The following DMD variants were observed in gnomAD, a reference collection of about 807,000 sequenced individuals.
DMD encodes the protein dystrophin.
Under a neutral mutation model 330.1 loss-of-function variants are expected in DMD, and 63 were observed. That is an observed-to-expected ratio of 0.19 (90% CI 0.16 to 0.24). DMD has a LOEUF of 0.24. DMD is among the 10% of genes least tolerant of loss of function. The pLI is 1.00. For synonymous variants in DMD, 1,223 were observed against 959.8 expected (o/e 1.27, Z -5.07); for missense variants, 3,344 against 2,684.1 (o/e 1.25, Z -5.43).
chrX:31,651,116 G>T (rs1603439881), intron 54 of DMD, among the ~76,000 whole-genome samples: 1 of 112,062 alleles, frequency 8.9e-6, no homozygotes, highest in African/African-American at 3.2e-5. Flanking sequence ...TCAAGAGAAA[G>T]GTAGAAGGTA....
chrX:32,783,135 GTA>G (rs200400820), intron 7 of DMD, among the ~76,000 whole-genome samples: 161 of 95,385 alleles, frequency 1.7e-3, no homozygotes, highest in East Asian at 5.4e-3. Flanking sequence ...ATACATATAT[GTA>G]TATATATATA....
intron 60 of DMD, among the ~76,000 whole-genome samples, chrX:31,412,206 A>AAAAG (rs765872095): frequency 1.7e-3 from 158 of 94,148 alleles, no homozygotes; most frequent in East Asian, 7.7e-3. Context: ...AAAAAAAAAA[A>AAAAG]AGAGAGAGAG....
At chrX:31,578,131 T>C (rs1348756211) in intron 55 of DMD, among the ~76,000 whole-genome samples, 1 of 111,694 alleles carries the variant, frequency 9.0e-6, no homozygotes, top group African/African-American at 3.3e-5. Flanking sequence ...AGTTTTAAAA[T>C]CCTGGAAATA....
At chrX:32,554,320 C>G (rs995119187) in intron 16 of DMD, among the ~76,000 whole-genome samples, 1 of 110,742 alleles carries the variant, frequency 9.0e-6, no homozygotes, top group Non-Finnish European at 1.9e-5. Flanking sequence ...TAAATGAATC[C>G]AGGAGCTGGT....
At chrX:32,310,049 T>A (rs1391937750) in intron 42 of DMD, 33 bp downstream of exon 42, 1 of 1,161,852 alleles carries the variant, frequency 8.6e-7, no homozygotes, top group African/African-American at 1.8e-5. Context: ...ATGATCACCT[T>A]GTAAAATACG....
At chrX:32,235,054 T>C (rs2097182482) in intron 43 of DMD, among the ~76,000 whole-genome samples, 1 of 111,704 alleles carries the variant, frequency 9.0e-6, no homozygotes, top group South Asian at 3.7e-4. Context: ...TGGAGGATGG[T>C]TTCCATATGA....
intron 1 of DMD, among the ~76,000 whole-genome samples, chrX:33,293,118 A>G (rs2053537760): frequency 9.0e-6 from 1 of 111,356 alleles, no homozygotes; most frequent in African/African-American, 3.3e-5. Context: ...ATATTCTTTA[A>G]ATATTTGATT....
chrX:32,035,270 A>T (rs1022942723), intron 44 of DMD, among the ~76,000 whole-genome samples: 1 of 112,205 alleles, frequency 8.9e-6, no homozygotes, highest in East Asian at 2.8e-4. Flanking sequence ...TAAAAAATTT[A>T]AAAAAGAAAG....
chrX:31,660,714 A>C (rs1160845476), intron 53 of DMD, among the ~76,000 whole-genome samples: 1 of 111,645 alleles, frequency 9.0e-6, no homozygotes, highest in Non-Finnish European at 1.9e-5. Context: ...TTTTTAGTAA[A>C]TATATAATTA....
intron 59 of DMD, among the ~76,000 whole-genome samples, chrX:31,454,915 G>GAT (rs35463036): frequency 0.085 from 8,566 of 100,460 alleles, 452 homozygotes; most frequent in East Asian, 0.23. Context: ...CACTGGCATT[G>GAT]ATATATATAT....
At chrX:32,577,309 C>G (rs924155307) in intron 13 of DMD, among the ~76,000 whole-genome samples, 3 of 111,917 alleles carry the variant, frequency 2.7e-5, no homozygotes, top group African/African-American at 9.8e-5. Flanking sequence ...CTTCTGGCCC[C>G]CAGAATGGTG....
intron 9 of DMD, among the ~76,000 whole-genome samples, chrX:32,678,499 C>CGTGT (rs760244852): frequency 0.011 from 1,199 of 106,063 alleles, 11 homozygotes; most frequent in African/African-American, 0.036. Flanking sequence ...TTTGCGTGTC[C>CGTGT]GTGTGTGTGT....
Position 33,263,062 on chromosome X carries a change from C to G in DMD, c.7+76197G>C, listed in dbSNP as rs181279668. Among the ~76,000 whole-genome samples, 79 of 110,328 alleles carry G rather than the reference C, an allele frequency of 7.2e-4. No individual in the cohort carries two copies. The East Asian group carries it at 0.021, about 29-fold the overall frequency. Reference sequence around the variant, plus strand: ...ATTTGAAAAATGGGGGATGCATACACTACTGTTGGAGGCATAAATTGGTAC... The same window carrying G: ...ATTTGAAAAATGGGGGATGCATACAGTACTGTTGGAGGCATAAATTGGTAC... On this transcript the variant is annotated intron_variant, in intron 1 of 17. Coordinates refer to the DMD transcript ENST00000288447.
intron 20 of DMD, among the ~76,000 whole-genome samples, chrX:32,489,192 C>G (rs1691616106): frequency 9.0e-6 from 1 of 111,191 alleles, no homozygotes; most frequent in Admixed American, 9.6e-5. Flanking sequence ...CATGAATGCC[C>G]ACTCTAATAT....
intron 2 of DMD, among the ~76,000 whole-genome samples, chrX:32,881,919 C>T (rs1243783428): frequency 9.0e-6 from 1 of 111,645 alleles, no homozygotes. Flanking sequence ...AGACTGCAAG[C>T]CTGGAGGAGG....
chrX:31,317,395 T>C (rs1382161917), intron 62 of DMD, among the ~76,000 whole-genome samples: 1 of 111,862 alleles, frequency 8.9e-6, no homozygotes, highest in Non-Finnish European at 1.9e-5. Context: ...TACTACATGA[T>C]GTGTTCACAT....
chrX:32,749,983 T>C (rs2070596315), intron 7 of DMD, among the ~76,000 whole-genome samples: 1 of 112,517 alleles, frequency 8.9e-6, no homozygotes, highest in Non-Finnish European at 1.9e-5. Flanking sequence ...ACTGATCTTT[T>C]TTGAAATGTG....
rs759290894 is a variant in DMD at position 33,273,545 on chromosome X, T to C, written c.7+65714A>G. On this transcript the variant is annotated intron_variant, in intron 1 of 17. Transcript: ENST00000288447. ...CTAATCCGGTTCTTGACTTCAAATA[T>C]CAAATGATATCCCTTACTGCCACCC... Among the ~76,000 whole-genome samples, 4 of 112,505 alleles carry C rather than the reference T, an allele frequency of 3.6e-5. No homozygotes were observed. In the South Asian group the frequency reaches 1.5e-3, roughly 41 times the overall value.
At chrX:31,957,634 T>C (rs1409594829) in intron 45 of DMD, among the ~76,000 whole-genome samples, 1 of 112,156 alleles carries the variant, frequency 8.9e-6, no homozygotes, top group Non-Finnish European at 1.9e-5. Flanking sequence ...TTTAAAAACA[T>C]TTATCATAGT....
Sources: gnomAD v4.1 joint callset for allele counts (sites outside exome capture counted in the v4.1 genomes callset) on GRCh38, gnomAD v4.1.1 for gene constraint, MANE v1.5 for transcripts, NCBI Gene and HGNC (gene_info 2026-07-23, HGNC 2026-07-21) for gene names.